THAP4: variants seen among roughly 807,000 people sequenced by gnomAD.
The protein encoded by THAP4 is THAP domain containing 4.
THAP4 carries 18 observed loss-of-function variants against 48.1 expected under a neutral mutation model. The ratio of observed to expected loss-of-function variants is 0.37; its 90% CI spans 0.26 to 0.56. The LOEUF (loss-of-function observed/expected upper bound fraction) is 0.56, where lower values mean the gene tolerates loss of function less well. THAP4 is among the 20% of genes least tolerant of loss of function. The pLI is 0.78. For synonymous variants in THAP4, 345 were observed against 324.9 expected, an observed-to-expected ratio of 1.06 and a Z score of -0.66; for missense variants, 656 against 774.9, an observed-to-expected ratio of 0.85 and a Z score of 1.82.
In THAP4 at chr2:241,610,004, G is replaced by A. The variant is rs1285715209; in HGVS notation, c.1241-3531C>T. Among the ~76,000 whole-genome samples the A allele has an allele frequency of 1.3e-5, 2 of 151,670 alleles. No homozygotes were observed. Among genetic ancestry groups the A allele is most frequent in the African/African-American group, 4.8e-5 (2 of 41,238 alleles). On this transcript the variant is annotated intron_variant, in intron 2 of 5. Coordinates refer to ENST00000407315, the MANE Select transcript of THAP4 (RefSeq NM_015963.6). This position sits in a 1 kb window ranked among gnomAD's most constrained non-coding sequence, Gnocchi z 4.2. Reference sequence around the variant, plus strand: ...AGCAGCGATCCAGAGTCCAGGTTCTGAGCTGCTGCACCGGGGCCGCGATCT... The same window carrying A: ...AGCAGCGATCCAGAGTCCAGGTTCTAAGCTGCTGCACCGGGGCCGCGATCT...
chr2:241,633,411 G>A lies in THAP4; in HGVS notation c.746C>T (p.Pro249Leu). ...GTCAATGGGCTCTCGGGGGACAGAT[G>A]GCCTTTCTCGGGTGTGCTTAGAGGA... ...SFSSKHTRER[P>L]SVPREPIDRK... Residue 249 changes from proline (P) to leucine (L), a missense_variant, in exon 2 of 6, where the codon CCA becomes CTA. This residue lies in a region of THAP4 where 391 missense variants were observed against 412.4 expected (regional missense o/e 0.95). Coordinates refer to ENST00000407315, the MANE Select transcript of THAP4 (RefSeq NM_015963.6). The surrounding 1 kb of genome is among the most constrained non-coding windows in gnomAD (Gnocchi z 7.5). 1.9e-6 allele frequency: 3 copies of A among 1,613,672 alleles called. No homozygotes were observed. The highest frequency in any genetic ancestry group is 2.5e-6 in the Non-Finnish European group (3 of 1,180,004).
upstream of THAP4, chr2:241,637,326 C>T (rs572227161): frequency 3.7e-5 from 46 of 1,254,576 alleles, no homozygotes; most frequent in South Asian, 6.1e-4. Flanking sequence ...GGGGCAAGTC[C>T]GTACCGCGAC....
chr2:241,607,599 G>A lies in THAP4; in HGVS notation c.1241-1126C>T, dbSNP rs973126513. ...CAGGGACAGAAGCAGCTCTGTGGCC[G>A]CACAAGCCTCATCTACGGAGCCCAA... On this transcript the variant is annotated intron_variant, in intron 2 of 5. Transcript: ENST00000407315. 3.3e-5 allele frequency among the ~76,000 whole-genome samples: 5 copies of A among 151,052 alleles called. 1 individual carries two copies. The highest frequency in any genetic ancestry group is 5.9e-5 in the Non-Finnish European group (4 of 67,806).
Position 241,606,398 on chromosome 2 carries a change from G to A in THAP4, c.1316C>T (p.Ala439Val). The A allele has an allele frequency of 6.2e-7, 1 of 1,602,910 alleles. No individual in the cohort carries two copies. The highest frequency in any genetic ancestry group is 8.5e-7 in the Non-Finnish European group (1 of 1,174,796). ...LGTWLSDPPG[A>V]GTYPTLQPFQ... ...GGGCTGCAGTGTGGGGTAGGTCCCG[G>A]CTCCAGGTGGGTCCGACAGCCAGGT... The change falls in exon 3 of 6, where the codon GCC becomes GTC. Residue 439 changes from alanine to valine, a missense_variant. Ala to Val is a moderately conservative substitution (Grantham distance 64). Coordinates refer to ENST00000407315, the MANE Select transcript of THAP4 (RefSeq NM_015963.6).
At chr2:241,592,559 G>A (rs1164340927) in intron 5 of THAP4, among the ~76,000 whole-genome samples, 1 of 152,138 alleles carries the variant, frequency 6.6e-6, no homozygotes, top group East Asian at 1.9e-4. Context: ...TGTGGGGCCT[G>A]CAGTCTGGGC....
intron 3 of THAP4, among the ~76,000 whole-genome samples, chr2:241,605,691 T>C (rs1321534263): frequency 6.6e-6 from 1 of 152,110 alleles, no homozygotes; most frequent in African/African-American, 2.4e-5. Context: ...TGCACTATTA[T>C]TTTCAGTAAT....
Position 241,636,934 on chromosome 2 carries a change from C to A in THAP4, c.77+7G>T, listed in dbSNP as rs772966260. 6 of 1,259,502 alleles carry A rather than the reference C, an allele frequency of 4.8e-6. No homozygotes were observed. The highest frequency in any genetic ancestry group is 4.1e-5 in the South Asian group (3 of 73,024). 78.0% of individuals were successfully genotyped at this position (1,259,502 alleles called of 1,614,324 possible). A position where few individuals can be genotyped will look rare whatever the true frequency, so the allele number is the denominator to read the frequency against. ...GGCGGGGGCGTGGCGGCCCGGGGCC[C>A]GCGTACCTGTGGAAGGAGACGGCGC... is the stretch of plus-strand genomic sequence containing the variant. On this transcript the variant is annotated splice_region_variant and intron_variant, in intron 1 of 5. Coordinates refer to ENST00000407315, the MANE Select transcript of THAP4 (RefSeq NM_015963.6).
At position 241,610,333 on chromosome 2, in the gene THAP4, T is replaced by C. The variant is rs932197216; in HGVS notation, c.1241-3860A>G. Among the ~76,000 whole-genome samples, 2 of 152,040 alleles carry C rather than the reference T, an allele frequency of 1.3e-5. No individual in the cohort carries two copies. Among genetic ancestry groups the C allele is most frequent in the African/African-American group, 2.4e-5 (1 of 41,406 alleles). ...CCGCATCTCCGCCCTCTCTTGCGCC[T>C]GCGGGACCGGGAGGGCCGCGCTCGC... On this transcript the variant is annotated intron_variant, in intron 2 of 5. Transcript: ENST00000407315. This position sits in a 1 kb window ranked among gnomAD's most constrained non-coding sequence, Gnocchi z 4.2.
intron 2 of THAP4, among the ~76,000 whole-genome samples, chr2:241,626,385 GAGCCTAGATAT>G (rs1212225118): frequency 6.6e-6 from 1 of 152,020 alleles, no homozygotes; most frequent in Non-Finnish European, 1.5e-5. Flanking sequence ...AGGTTGCAGT[GAGCCTAGATAT>G]CGCCATTGCA....
intron 5 of THAP4, 97 bp from the exon 6 acceptor site, chr2:241,584,822 C>G: frequency 6.0e-6 from 9 of 1,506,332 alleles, no homozygotes; most frequent in Non-Finnish European, 8.2e-6. Context: ...TCATCACGGG[C>G]TGTGAGCCAG....
intron 5 of THAP4, among the ~76,000 whole-genome samples, chr2:241,585,742 G>C (rs2066885359): frequency 6.6e-6 from 1 of 151,788 alleles, no homozygotes; most frequent in Admixed American, 6.6e-5. Context: ...CTGGAATTCA[G>C]TGTCCATCTA....
At chr2:241,623,634 T>TA (rs924680343) in intron 2 of THAP4, among the ~76,000 whole-genome samples, 22 of 147,484 alleles carry the variant, frequency 1.5e-4, no homozygotes, top group South Asian at 4.3e-4. Context: ...TGATATCATT[T>TA]AAAAAAAAAA....
rs2067119876 is a variant in THAP4, at chr2:241,602,006, G to A, written c.1511-7C>T. 4 of 1,609,808 alleles carry A rather than the reference G, an allele frequency of 2.5e-6. No individual in the cohort carries two copies. The highest frequency in any genetic ancestry group is 1.3e-5 in the African/African-American group (1 of 74,856). Reference sequence around the variant, plus strand: ...TCCTCCACTTCCACCACGCCTGCAAGGGAAGGGCAGTCAGCTCACCCAGCA... The same window carrying A: ...TCCTCCACTTCCACCACGCCTGCAAAGGAAGGGCAGTCAGCTCACCCAGCA... On this transcript the variant is annotated splice_region_variant and splice_polypyrimidine_tract_variant and intron_variant, in intron 4 of 5. Coordinates refer to ENST00000407315, the MANE Select transcript of THAP4 (RefSeq NM_015963.6).
At position 241,628,099 on chromosome 2, in the gene THAP4, C is replaced by T. The variant is rs2067515573; in HGVS notation, c.1240+4818G>A. Among the ~76,000 whole-genome samples, 4 of 152,168 alleles carry T rather than the reference C, an allele frequency of 2.6e-5. No homozygotes were observed. In the South Asian group the frequency reaches 8.3e-4, roughly 32 times the overall value. The stretch of plus-strand genomic sequence containing the variant: ...CCAGCGACCCTGGGAGCACATCCAA[C>T]CCCCTTCTCTCCACTATCCTGGGGC... On this transcript the variant is annotated intron_variant, in intron 2 of 5. Coordinates refer to ENST00000407315, the MANE Select transcript of THAP4 (RefSeq NM_015963.6).
chr2:241,602,028 A>G (rs1303103807), intron 4 of THAP4, 29 bp from the exon 5 acceptor site: 2 of 1,603,530 alleles, frequency 1.2e-6, no homozygotes, highest in Admixed American at 3.3e-5. Context: ...CAGCTCACCC[A>G]GCAGCTGCTC....
chr2:241,595,322 A>AT (rs1382423983), intron 5 of THAP4, among the ~76,000 whole-genome samples: 5 of 152,100 alleles, frequency 3.3e-5, no homozygotes, highest in Admixed American at 2.0e-4. Context: ...GCCCTGCATT[A>AT]TATCTTTAAA....
intron 5 of THAP4, among the ~76,000 whole-genome samples, chr2:241,596,867 C>T (rs915637853): frequency 2.6e-5 from 4 of 152,106 alleles, no homozygotes; most frequent in Admixed American, 1.3e-4. Flanking sequence ...GTGGAGCTGG[C>T]GGGACTGGCA....
chr2:241,631,100 T>C (rs2067553887), intron 2 of THAP4, among the ~76,000 whole-genome samples: 1 of 152,112 alleles, frequency 6.6e-6, no homozygotes, highest in African/African-American at 2.4e-5. Flanking sequence ...GTATACAATT[T>C]CAACCCAAGA....
intron 5 of THAP4, among the ~76,000 whole-genome samples, chr2:241,597,943 C>T (rs1171806965): frequency 6.7e-6 from 1 of 148,188 alleles, no homozygotes; most frequent in Non-Finnish European, 1.5e-5. Flanking sequence ...TAATAAAACC[C>T]AAATCTAGTT....
Sources: gnomAD v4.1 joint callset for allele counts (sites outside exome capture counted in the v4.1 genomes callset) on GRCh38, gnomAD v4.1.1 for gene constraint, gnomAD v4.1.1 regional missense constraint, Gnocchi (gnomAD v3.1) non-coding constraint, MANE v1.5 for transcripts, NCBI Gene and HGNC (gene_info 2026-07-23, HGNC 2026-07-21) for gene names.